PTPRN2: variants seen among roughly 807,000 people sequenced by gnomAD.
PTPRN2 encodes receptor-type tyrosine-protein phosphatase N2.
In PTPRN2, 74 loss-of-function variants were observed where a neutral mutation model predicts 118.8. The ratio of observed to expected loss-of-function variants is 0.62; its 90% CI spans 0.52 to 0.76. The LOEUF is 0.76. Among genes scored for constraint, PTPRN2 ranks in the 30% least tolerant of loss-of-function variants. The pLI, the probability that PTPRN2 is intolerant of heterozygous loss-of-function variation, is 0.00. For missense variants in PTPRN2, 1,481 were observed against 1,394.4 expected (o/e 1.06, Z -0.99); for synonymous variants, 641 against 608.0 (o/e 1.05, Z -0.80).
chr7:158,268,954 G>A, intron 3 of PTPRN2, among the ~76,000 whole-genome samples: 1 of 149,028 alleles, frequency 6.7e-6, no homozygotes, highest in South Asian at 2.1e-4. Context: ...AAATATCGCA[G>A]CCACATTGTT....
chr7:157,927,820 T>C (rs12674471), intron 11 of PTPRN2, among the ~76,000 whole-genome samples: 95,344 of 151,772 alleles, frequency 0.63, 30,460 homozygotes, highest in African/African-American at 0.74. Context: ...TGTGACCAGG[T>C]CAGGCTGAGC....
At chr7:158,364,718 G>A (rs573123397) in intron 2 of PTPRN2, among the ~76,000 whole-genome samples, 148 of 152,180 alleles carry the variant, frequency 9.7e-4, no homozygotes, top group Non-Finnish European at 1.6e-3. Flanking sequence ...TCCAAGCCTC[G>A]GATGTGTTTG....
intron 11 of PTPRN2, among the ~76,000 whole-genome samples, chr7:157,962,291 C>G (rs779370209): frequency 1.2e-4 from 18 of 152,224 alleles, no homozygotes; most frequent in Admixed American, 3.3e-4. Context: ...AGGATGAGAT[C>G]CGAATGTGAA....
chr7:157,656,274 G>A (rs1298818937), intron 14 of PTPRN2, 83 bp downstream of exon 14: 68 of 1,373,170 alleles, frequency 5.0e-5, no homozygotes, highest in East Asian at 1.8e-4. Context: ...GAGGGTCAGC[G>A]GGCGCAGATG....
At chr7:158,281,859 A>C (rs186202503) in intron 3 of PTPRN2, among the ~76,000 whole-genome samples, 1 of 152,372 alleles carries the variant, frequency 6.6e-6, no homozygotes, top group East Asian at 1.9e-4. Context: ...AGGTGTGAAC[A>C]GTCTCAGCTA....
chr7:157,733,944 G>A (rs1372411092), intron 12 of PTPRN2, among the ~76,000 whole-genome samples: 1 of 49,680 alleles, frequency 2.0e-5, no homozygotes, highest in Non-Finnish European at 4.2e-5. Context: ...ACCCTTTCCC[G>A]TCCCATGCGC....
At position 157,990,115 on chromosome 7, in the gene PTPRN2, T is replaced by TA. The variant is rs1367867721; in HGVS notation, c.1723+91182dup. 1.3e-5 allele frequency among the ~76,000 whole-genome samples: 2 copies of TA among 151,908 alleles called. No individual in the cohort carries two copies. The highest frequency in any genetic ancestry group is 4.8e-5 in the African/African-American group (2 of 41,398). ...GCAAGTTGCTCTTCTGCGCTCCAAATACACCGAGACGAAAACAAGCCCAGG... is the reference window on the plus strand; with the variant it reads ...GCAAGTTGCTCTTCTGCGCTCCAAATAACACCGAGACGAAAACAAGCCCAGG... On this transcript the variant is annotated intron_variant, in intron 11 of 22. Transcript: ENST00000389418. This position sits in a 1 kb window ranked among gnomAD's most constrained non-coding sequence, Gnocchi z 4.3.
At chr7:158,147,729 A>C (rs1820303477) in intron 6 of PTPRN2, among the ~76,000 whole-genome samples, 1 of 138,640 alleles carries the variant, frequency 7.2e-6, no homozygotes, top group Non-Finnish European at 1.6e-5. Flanking sequence ...ACCCCATCTC[A>C]CGCCACGTGT....
chr7:158,146,585 G>C (rs149862061), intron 6 of PTPRN2, among the ~76,000 whole-genome samples: 4 of 149,612 alleles, frequency 2.7e-5, no homozygotes, highest in South Asian at 4.2e-4. Context: ...GCCAGGCGTG[G>C]TGGCGGGCGC....
rs1563072653 is a variant in PTPRN2 at position 158,273,460 on chromosome 7, G to GGGGGAGCCGCAGGCA, written c.277+43358_277+43359insTGCCTGCGGCTCCCC. The stretch of plus-strand genomic sequence containing the variant: ...GACAGACGCGGGAGGAGCCGCAGAC[G>GGGGGAGCCGCAGGCA]CAGGGGGAGCCGCAGGCACAGGGGG... On this transcript the variant is annotated intron_variant, in intron 3 of 22. Transcript: ENST00000389418. Among the ~76,000 whole-genome samples the GGGGGAGCCGCAGGCA allele has an allele frequency of 9.5e-4, 59 of 62,356 alleles. 10 individuals are homozygous for GGGGGAGCCGCAGGCA. Among genetic ancestry groups the GGGGGAGCCGCAGGCA allele is most frequent in the East Asian group, 2.6e-3 (6 of 2,274 alleles). The allele number at this position is 62,356 out of a possible 152,430, so 40.9% of individuals were successfully genotyped here. A position where few individuals can be genotyped will look rare whatever the true frequency, so the allele number is the denominator to read the frequency against.
At chr7:157,734,700 G>A (rs935344095) in intron 12 of PTPRN2, among the ~76,000 whole-genome samples, 46 of 152,286 alleles carry the variant, frequency 3.0e-4, no homozygotes, top group African/African-American at 9.6e-4. Flanking sequence ...TACATCTGGG[G>A]TCAAGCCATT....
At chr7:157,714,764 C>G (rs975351049) in intron 12 of PTPRN2, among the ~76,000 whole-genome samples, 8 of 151,990 alleles carry the variant, frequency 5.3e-5, no homozygotes, top group African/African-American at 1.9e-4. Context: ...CAGGGAACGG[C>G]GCCCAGTCCG....
rs112469338 is a variant in PTPRN2, at chr7:157,748,009, G to A, written c.1789-65072C>T. Among the ~76,000 whole-genome samples the A allele has an allele frequency of 2.7e-3, 327 of 120,212 alleles. 1 individual carries two copies. The highest frequency in any genetic ancestry group is 8.3e-3 in the African/African-American group (250 of 30,234). The allele number at this position is 120,212 out of a possible 152,430, so 78.9% of individuals were successfully genotyped here. On this transcript the variant is annotated intron_variant, in intron 12 of 22. Transcript: ENST00000389418. Reference sequence around the variant, plus strand: ...TGCGTCTCTGAGCTGTGGGGTGTCCGGGTGATTCTGAGGCCTGCGTCCCTG... The same window carrying A: ...TGCGTCTCTGAGCTGTGGGGTGTCCAGGTGATTCTGAGGCCTGCGTCCCTG...
In PTPRN2 at chr7:157,785,579, A is replaced by G. The variant is rs1348647749; in HGVS notation, c.1789-102642T>C. ...CTCTGCTGAAATCTGAACAGTCTAC[A>G]CTGGACAGACATGGAGGGAAGCTTC... On this transcript the variant is annotated intron_variant, in intron 12 of 22. Transcript: ENST00000389418. This position sits in a 1 kb window ranked among gnomAD's most constrained non-coding sequence, Gnocchi z 7.3. Among the ~76,000 whole-genome samples the G allele has an allele frequency of 1.3e-5, 2 of 152,084 alleles. No individual in the cohort carries two copies. The highest frequency in any genetic ancestry group is 2.4e-5 in the African/African-American group (1 of 41,420).
At chr7:158,523,678 C>CGGAGTCGTCTGCCCTGGAGT (rs1563393255) in intron 1 of PTPRN2, among the ~76,000 whole-genome samples, 3 of 85,052 alleles carry the variant, frequency 3.5e-5, no homozygotes, top group African/African-American at 1.4e-4. Flanking sequence ...TGCCCTGGAG[C>CGGAGTCGTCTGCCCTGGAGT]GGAGTCGTCT....
At chr7:157,574,589 C>A (rs1799924934) in intron 19 of PTPRN2, among the ~76,000 whole-genome samples, 1 of 152,144 alleles carries the variant, frequency 6.6e-6, no homozygotes, top group African/African-American at 2.4e-5. Context: ...AGCAGTTTCT[C>A]TTTAAAGTGT....
intron 9 of PTPRN2, among the ~76,000 whole-genome samples, chr7:158,114,749 A>T (rs1339110733): frequency 6.6e-6 from 1 of 152,180 alleles, no homozygotes; most frequent in East Asian, 1.9e-4. Context: ...AGGCTGGGGT[A>T]AGGGAGCCCC....
At chr7:158,358,152 G>C (rs1248348842) in intron 2 of PTPRN2, among the ~76,000 whole-genome samples, 2 of 152,188 alleles carry the variant, frequency 1.3e-5, no homozygotes, top group Non-Finnish European at 2.9e-5. Flanking sequence ...GGCGGGGACT[G>C]GGTGCCCAGC....
At chr7:158,482,258 G>A (rs1772428293) in intron 2 of PTPRN2, among the ~76,000 whole-genome samples, 1 of 152,200 alleles carries the variant, frequency 6.6e-6, no homozygotes, top group Non-Finnish European at 1.5e-5. Context: ...GGGTTGAAAG[G>A]ATTGACTCTT....
Sources: gnomAD v4.1 joint callset for allele counts (sites outside exome capture counted in the v4.1 genomes callset) on GRCh38, gnomAD v4.1.1 for gene constraint, Gnocchi (gnomAD v3.1) non-coding constraint, MANE v1.5 for transcripts, NCBI Gene and HGNC (gene_info 2026-07-23, HGNC 2026-07-21) for gene names.